The following ZNF790 variants were observed in gnomAD, a reference collection of about 807,000 sequenced individuals.
ZNF790 encodes zinc finger protein 790.
Under a neutral mutation model 12.1 loss-of-function variants are expected in ZNF790, and 8 were observed. The observed-to-expected ratio is 0.66, with a 90% CI of 0.39 to 1.19. The LOEUF (loss-of-function observed/expected upper bound fraction) is 1.19. ZNF790 is among the 50% of genes most tolerant of loss of function. The pLI is 0.01. For missense variants in ZNF790, 707 were observed against 752.2 expected (o/e 0.94, Z 0.70); for synonymous variants, 252 against 244.3 (o/e 1.03, Z -0.29).
Position 36,825,607 on chromosome 19 carries a change from T to C in ZNF790, c.9+4A>G. 6.2e-7 allele frequency: 1 copy of C among 1,614,030 alleles called. No individual in the cohort carries two copies. The highest frequency in any genetic ancestry group is 8.5e-7 in the Non-Finnish European group (1 of 1,179,926). On this transcript the variant is annotated splice_donor_region_variant and intron_variant, in intron 2 of 4. Coordinates refer to ENST00000356725, the MANE Select transcript of ZNF790 (RefSeq NM_206894.4). Reference sequence around the variant, plus strand: ...ATTTTTGGAGAGAGGCAATTCCAACTCACATGGGCCATGACTTAACATTCC... The same window carrying C: ...ATTTTTGGAGAGAGGCAATTCCAACCCACATGGGCCATGACTTAACATTCC...
At chr19:36,839,369 C>T (rs1461126076), upstream of ZNF790, among the ~76,000 whole-genome samples, 1 of 152,118 alleles carries the variant, frequency 6.6e-6, no homozygotes, top group East Asian at 1.9e-4. Flanking sequence ...AACAAATGCC[C>T]ATTCTATGTG....
intron 4 of ZNF790, among the ~76,000 whole-genome samples, chr19:36,821,456 C>T (rs1052269226): frequency 2.0e-5 from 3 of 152,150 alleles, no homozygotes; most frequent in Non-Finnish European, 2.9e-5. Flanking sequence ...GGGAATAATA[C>T]GCTATTTCTA....
chr19:36,827,283 C>T lies in ZNF790; in HGVS notation c.-73-1591G>A, dbSNP rs898923368. On this transcript the variant is annotated intron_variant, in intron 1 of 4. Transcript: ENST00000356725. ...GACTATGGAGGATTCACCACCAGAC[C>T]GGGAAGCAACAGCCTGGGCTCCACA... Among the ~76,000 whole-genome samples the T allele has an allele frequency of 4.6e-5, 7 of 150,936 alleles. 1 individual carries two copies. The South Asian group carries it at 1.3e-3, about 27-fold the overall frequency.
At chr19:36,822,541 T>G (rs1411128227) in intron 4 of ZNF790, among the ~76,000 whole-genome samples, 1 of 149,876 alleles carries the variant, frequency 6.7e-6, no homozygotes, top group African/African-American at 2.5e-5. Flanking sequence ...TGTTTGTTTG[T>G]TTTGTTTTGT....
upstream of ZNF790, among the ~76,000 whole-genome samples, chr19:36,840,889 CAGGT>C (rs780506312): frequency 6.6e-6 from 1 of 152,120 alleles, no homozygotes; most frequent in Non-Finnish European, 1.5e-5. Flanking sequence ...GAGGTAGACT[CAGGT>C]AGGATCTCCC....
At chr19:36,837,478 A>G (rs1446505285) in intron 1 of ZNF790, among the ~76,000 whole-genome samples, 1 of 152,034 alleles carries the variant, frequency 6.6e-6, no homozygotes, top group East Asian at 1.9e-4. Context: ...CTAGTTTTGA[A>G]TTTCCTGCCA....
chr19:36,830,732 T>C (rs1393222127), intron 1 of ZNF790, among the ~76,000 whole-genome samples: 1 of 152,236 alleles, frequency 6.6e-6, no homozygotes, highest in Non-Finnish European at 1.5e-5. Flanking sequence ...CCTTAAAAAC[T>C]ACCCTTGCCC....
In ZNF790 at chr19:36,838,236, G is replaced by C. The variant is rs766387552; in HGVS notation, c.-74+101C>G. On this transcript the variant is annotated intron_variant, in intron 1 of 4. Coordinates refer to ENST00000356725, the MANE Select transcript of ZNF790 (RefSeq NM_206894.4). The surrounding 1 kb of genome is among the most constrained non-coding windows in gnomAD (Gnocchi z 4.4). ...TCGCTCGCCCCCACGCTCCCTCGCC[G>C]GCAAAGCCACCAACTCCAAAGACAT... The C allele has an allele frequency of 1.2e-4, 19 of 152,566 alleles. No homozygotes were observed. The highest frequency in any genetic ancestry group is 4.3e-4 in the African/African-American group (18 of 41,560). 9.5% of individuals were successfully genotyped at this position (152,566 alleles called of 1,614,324 possible). A position where few individuals can be genotyped will look rare whatever the true frequency, so the allele number is the denominator to read the frequency against.
At chr19:36,831,473 T>C (rs996695723) in intron 1 of ZNF790, among the ~76,000 whole-genome samples, 6 of 152,048 alleles carry the variant, frequency 3.9e-5, no homozygotes, top group Admixed American at 6.6e-5. Context: ...TCCCAGCTAC[T>C]TGGGAGACTG....
intron 1 of ZNF790, among the ~76,000 whole-genome samples, chr19:36,828,881 G>C (rs751170624): frequency 2.6e-5 from 4 of 152,168 alleles, no homozygotes; most frequent in African/African-American, 4.8e-5. Context: ...AAAATGAACA[G>C]ATTCCAAATT....
intron 1 of ZNF790, among the ~76,000 whole-genome samples, chr19:36,834,365 G>A (rs1159098934): frequency 6.6e-6 from 1 of 151,792 alleles, no homozygotes; most frequent in Admixed American, 6.6e-5. Flanking sequence ...GAACTCTTAA[G>A]GATTAACAAT....
rs2071783974 is a variant in ZNF790, at chr19:36,825,795, A to G, written c.-73-103T>C. On this transcript the variant is annotated intron_variant, in intron 1 of 4. Coordinates refer to ENST00000356725, the MANE Select transcript of ZNF790 (RefSeq NM_206894.4). ...TGGAGGTAAGTCAGAAGGAACCTGA[A>G]GAAATCCTGGCCCTATCCAAAACCA... is the stretch of plus-strand genomic sequence containing the variant. 3 of 694,536 alleles carry G rather than the reference A, an allele frequency of 4.3e-6. No homozygotes were observed. The East Asian group carries it at 7.8e-5, about 18-fold the overall frequency. 43.0% of individuals were successfully genotyped at this position (694,536 alleles called of 1,614,324 possible). A position where few individuals can be genotyped will look rare whatever the true frequency, so the allele number is the denominator to read the frequency against.
At chr19:36,843,998 A>C (rs1406286250) in intron 1 of ZNF790, among the ~76,000 whole-genome samples, 1 of 139,200 alleles carries the variant, frequency 7.2e-6, no homozygotes, top group Non-Finnish European at 1.5e-5. Context: ...CAAGAGCGAA[A>C]CTCCATCTCA....
Position 36,838,135 on chromosome 19 carries a change from C to T in ZNF790, c.-74+202G>A, listed in dbSNP as rs2072088149. The T allele has an allele frequency of 6.7e-6, 1 of 150,192 alleles. No individual in the cohort carries two copies. Among genetic ancestry groups the T allele is most frequent in the Non-Finnish European group, 1.5e-5 (1 of 67,692 alleles). The allele number at this position is 150,192 out of a possible 1,614,324, so 9.3% of individuals were successfully genotyped here. A position where few individuals can be genotyped will look rare whatever the true frequency, so the allele number is the denominator to read the frequency against. On this transcript the variant is annotated intron_variant, in intron 1 of 4. Transcript: ENST00000356725. This position sits in a 1 kb window ranked among gnomAD's most constrained non-coding sequence, Gnocchi z 4.4. ...ACACACACACACACACACATACACACACACACACACAAGCTCCCGTCGCGG... is the reference window on the plus strand; with the variant it reads ...ACACACACACACACACACATACACATACACACACACAAGCTCCCGTCGCGG...
rs942719396 is a variant in ZNF790 at position 36,817,636 on chromosome 19, A to G, written c.*797T>C. On this transcript the variant is annotated 3_prime_UTR_variant, in exon 5 of 5. Coordinates refer to ENST00000356725, the MANE Select transcript of ZNF790 (RefSeq NM_206894.4). ...CTTATAATCTAATGAATACGATTAA[A>G]CAGACATAGATTTAAGATACTTTCC... 6.6e-6 allele frequency: 1 copy of G among 151,108 alleles called. No individual in the cohort carries two copies. Among genetic ancestry groups the G allele is most frequent in the Non-Finnish European group, 1.5e-5 (1 of 67,782 alleles). 9.4% of individuals were successfully genotyped at this position (151,108 alleles called of 1,614,324 possible). A position where few individuals can be genotyped will look rare whatever the true frequency, so the allele number is the denominator to read the frequency against.
intron 1 of ZNF790, among the ~76,000 whole-genome samples, chr19:36,849,335 T>C (rs1369578440): frequency 1.3e-5 from 2 of 152,176 alleles, no homozygotes; most frequent in African/African-American, 4.8e-5. Context: ...TCCCAAAGTT[T>C]CTAGCTTAAA....
rs1464043718 is a variant in ZNF790 at position 36,825,624 on chromosome 19, T to C, written c.-5A>G. On this transcript the variant is annotated 5_prime_UTR_variant, in exon 2 of 5. Transcript: ENST00000356725. The stretch of plus-strand genomic sequence containing the variant: ...ATTCCAACTCACATGGGCCATGACT[T>C]AACATTCCAAGTCCACCAGTCCTTC... The C allele has an allele frequency of 6.2e-7, 1 of 1,614,088 alleles. No individual in the cohort carries two copies. Among genetic ancestry groups the C allele is most frequent in the Non-Finnish European group, 8.5e-7 (1 of 1,179,940 alleles).
At chr19:36,844,802 A>T (rs1202453787) in intron 1 of ZNF790, among the ~76,000 whole-genome samples, 1 of 151,888 alleles carries the variant, frequency 6.6e-6, no homozygotes, top group Non-Finnish European at 1.5e-5. Context: ...TAATCCCAGC[A>T]CTTTGGGAGG....
Position 36,838,342 on chromosome 19 carries a change from C to A in ZNF790, c.-79G>T, listed in dbSNP as rs908527550. ...TGTGTCTCGGAATCACTCACCCGGC[C>A]CTGCGGTCCCTTGATGGTGGAAGGT... On this transcript the variant is annotated 5_prime_UTR_variant, in exon 1 of 5. Coordinates refer to ENST00000356725, the MANE Select transcript of ZNF790 (RefSeq NM_206894.4). The surrounding 1 kb of genome is among the most constrained non-coding windows in gnomAD (Gnocchi z 4.4). 1 of 152,414 alleles carries A rather than the reference C, an allele frequency of 6.6e-6. No homozygotes were observed. The highest frequency in any genetic ancestry group is 2.4e-5 in the African/African-American group (1 of 41,484). The allele number at this position is 152,414 out of a possible 1,614,324, so 9.4% of individuals were successfully genotyped here. A position where few individuals can be genotyped will look rare whatever the true frequency, so the allele number is the denominator to read the frequency against.
Sources: allele counts gnomAD v4.1 joint callset (sites outside exome capture counted in the v4.1 genomes callset), GRCh38; gene constraint gnomAD v4.1.1; non-coding constraint Gnocchi (gnomAD v3.1); transcripts MANE v1.5; gene names NCBI Gene and HGNC (gene_info 2026-07-23, HGNC 2026-07-21).